KPNA1: variants seen among roughly 807,000 people sequenced by gnomAD.
KPNA1 encodes the protein importin subunit alpha-5.
In KPNA1, 10 loss-of-function variants were observed where a neutral mutation model predicts 70.5. The observed-to-expected ratio is 0.14, with a 90% CI of 0.09 to 0.24. KPNA1 has a LOEUF of 0.24. Among genes scored for constraint, KPNA1 ranks in the 10% least tolerant of loss-of-function variants. The pLI is 1.00. For synonymous variants in KPNA1, 192 were observed against 221.9 expected, an observed-to-expected ratio of 0.87 and a Z score of 1.20; for missense variants, 397 against 637.9, an observed-to-expected ratio of 0.62 and a Z score of 4.07.
At chr3:122,472,013 C>T (rs1388930044) in intron 2 of KPNA1, among the ~76,000 whole-genome samples, 1 of 152,154 alleles carries the variant, frequency 6.6e-6, no homozygotes, top group African/African-American at 2.4e-5. Flanking sequence ...CACTTCAACA[C>T]CTCTCTATCA....
At chr3:122,472,504 C>T (rs553563157) in intron 2 of KPNA1, among the ~76,000 whole-genome samples, 1 of 142,644 alleles carries the variant, frequency 7.0e-6, no homozygotes. Flanking sequence ...TCTAAAATCA[C>T]CTAATCAATC....
Position 122,442,341 on chromosome 3 carries a change from C to A in KPNA1, c.918-225G>T, listed in dbSNP as rs368809026. ...CATTTGGAAAAAACTACCAATCTTT[C>A]CTAGGAATCTTTCCCAGGTATTCCA... On this transcript the variant is annotated intron_variant, in intron 9 of 13. Coordinates refer to ENST00000344337, the MANE Select transcript of KPNA1 (RefSeq NM_002264.4). Among the ~76,000 whole-genome samples the A allele has an allele frequency of 2.1e-3, 316 of 152,316 alleles. 1 individual carries two copies. The highest frequency in any genetic ancestry group is 7.4e-3 in the African/African-American group (306 of 41,574).
chr3:122,481,029 A>T (rs990450248), intron 2 of KPNA1, among the ~76,000 whole-genome samples: 17 of 152,188 alleles, frequency 1.1e-4, no homozygotes, highest in Non-Finnish European at 1.9e-4. Context: ...GAGAAACTGA[A>T]GCCTTCAAAC....
chr3:122,452,607 A>AGGGAGGG (rs2076218494), intron 6 of KPNA1, among the ~76,000 whole-genome samples: 1 of 66,552 alleles, frequency 1.5e-5, no homozygotes, highest in African/African-American at 6.9e-5. Context: ...GGAAGGAAGG[A>AGGGAGGG]AGGGAGGGAG....
At chr3:122,509,803 T>C (rs947401173) in intron 1 of KPNA1, among the ~76,000 whole-genome samples, 11 of 152,208 alleles carry the variant, frequency 7.2e-5, no homozygotes, top group Non-Finnish European at 5.9e-5. Context: ...TAATTCATTC[T>C]AAAATTCTTT....
intron 5 of KPNA1, chr3:122,460,127 G>A (rs936140124): frequency 7.1e-6 from 7 of 985,144 alleles, no homozygotes; most frequent in East Asian, 1.1e-4. Flanking sequence ...TAGTCTCAGG[G>A]CCCAAGCCTT....
intron 1 of KPNA1, among the ~76,000 whole-genome samples, chr3:122,499,432 C>A (rs2076799795): frequency 6.9e-6 from 1 of 145,638 alleles, no homozygotes; most frequent in African/African-American, 2.5e-5. Flanking sequence ...CTATTGATAT[C>A]ACAATGTGAT....
intron 12 of KPNA1, among the ~76,000 whole-genome samples, chr3:122,431,625 T>C (rs991195759): frequency 1.3e-5 from 2 of 152,200 alleles, no homozygotes; most frequent in Non-Finnish European, 2.9e-5. Context: ...ACTCTTCATG[T>C]GGGGAAGAAG....
intron 8 of KPNA1, 58 bp from the exon 9 acceptor site, chr3:122,449,795 G>A: frequency 2.7e-6 from 4 of 1,456,484 alleles, no homozygotes; most frequent in Admixed American, 2.0e-5. Flanking sequence ...GAAGTGAGGT[G>A]AGATACTCAA....
chr3:122,437,110 G>GA (rs35358185), intron 11 of KPNA1, 60 bp downstream of exon 11: 40 of 1,567,550 alleles, frequency 2.6e-5, no homozygotes, highest in Non-Finnish European at 3.2e-5. Flanking sequence ...GGGTGACTGA[G>GA]AAAAAAACCT....
chr3:122,492,716 C>G (rs915503178), intron 2 of KPNA1, among the ~76,000 whole-genome samples: 1 of 152,140 alleles, frequency 6.6e-6, no homozygotes, highest in African/African-American at 2.4e-5. Context: ...GGAACAGAAG[C>G]AGCAGGAGAC....
intron 2 of KPNA1, among the ~76,000 whole-genome samples, chr3:122,491,252 G>T (rs2076694722): frequency 6.6e-6 from 1 of 152,148 alleles, no homozygotes. Context: ...TATACGCACA[G>T]GCAGTTTGGT....
intron 12 of KPNA1, among the ~76,000 whole-genome samples, chr3:122,429,694 A>G (rs922362166): frequency 3.9e-5 from 6 of 152,216 alleles, no homozygotes; most frequent in Non-Finnish European, 2.9e-5. Context: ...AATAGATACC[A>G]ACAAACTGAT....
At chr3:122,473,543 C>A (rs573083712) in intron 2 of KPNA1, among the ~76,000 whole-genome samples, 2 of 152,228 alleles carry the variant, frequency 1.3e-5, no homozygotes, top group African/African-American at 4.8e-5. Flanking sequence ...TGGGATTTAT[C>A]CCAGGTGTAA....
At chr3:122,433,583 T>G in intron 12 of KPNA1, 78 bp downstream of exon 12, 1 of 1,181,206 alleles carries the variant, frequency 8.5e-7, no homozygotes, top group Non-Finnish European at 1.2e-6. Context: ...CTCTAGGTAA[T>G]ATGTGGGAGG....
chr3:122,460,291 A>T, intron 5 of KPNA1: 1 of 984,966 alleles, frequency 1.0e-6, no homozygotes, highest in Non-Finnish European at 1.2e-6. Context: ...ATAGTAGTTT[A>T]GAATTTCTAG....
chr3:122,497,249 G>A (rs1213778647), intron 1 of KPNA1, among the ~76,000 whole-genome samples: 1 of 152,124 alleles, frequency 6.6e-6, no homozygotes, highest in African/African-American at 2.4e-5. Context: ...CCATGTTGTA[G>A]CATATATCAG....
chr3:122,436,672 A>C (rs2075993293), intron 11 of KPNA1, among the ~76,000 whole-genome samples: 2 of 152,242 alleles, frequency 1.3e-5, no homozygotes, highest in South Asian at 4.1e-4. Flanking sequence ...CTTAAGTGTA[A>C]ATTTCAAAAG....
intron 2 of KPNA1, among the ~76,000 whole-genome samples, chr3:122,478,969 T>C (rs1286411213): frequency 6.9e-6 from 1 of 145,438 alleles, no homozygotes; most frequent in Non-Finnish European, 1.5e-5. Context: ...CTAGAGTTCC[T>C]AGGATTGGTA....
Sources: allele counts gnomAD v4.1 joint callset (sites outside exome capture counted in the v4.1 genomes callset), GRCh38; gene constraint gnomAD v4.1.1; transcripts MANE v1.5; gene names NCBI Gene and HGNC (gene_info 2026-07-23, HGNC 2026-07-21).